VWA5B1: variants seen among roughly 807,000 people sequenced by gnomAD.
VWA5B1 encodes the protein von Willebrand factor A domain-containing protein 5B1.
VWA5B1 carries 115 observed loss-of-function variants against 118.2 expected under a neutral mutation model. The observed-to-expected ratio is 0.97, with a 90% CI of 0.84 to 1.14. The LOEUF (loss-of-function observed/expected upper bound fraction) is 1.14, where lower values mean the gene tolerates loss of function less well. Ranked by LOEUF, VWA5B1 falls within the 50% of genes most tolerant of loss-of-function variation. VWA5B1 has a pLI of 0.00. For synonymous variants in VWA5B1, 682 were observed against 658.4 expected (o/e 1.04, Z -0.55); for missense variants, 1,596 against 1,603.8 (o/e 1.00, Z 0.08).
rs776153020 is a variant in VWA5B1 at position 20,343,285 on chromosome 1, G to A, written c.2518G>A (p.Gly840Ser). 1.3e-6 allele frequency: 2 copies of A among 1,547,724 alleles called. No homozygotes were observed. The highest frequency in any genetic ancestry group is 1.4e-5 in the African/African-American group (1 of 73,004). The change falls in exon 16 of 22, where the codon GGC (glycine) becomes AGC (serine). Residue 840 changes from glycine to serine, a missense_variant. Coordinates refer to ENST00000289815, the MANE Select transcript of VWA5B1 (RefSeq NM_001039500.3). The part of the protein sequence containing the change: ...ELGTPGPERG[G>S]AQDADLWSET... Reference sequence around the variant, plus strand: ...GGGGACCCCTGGACCGGAGCGGGGCGGCGCGCAGGATGCCGACCTATGGAG... The same window carrying A: ...GGGGACCCCTGGACCGGAGCGGGGCAGCGCGCAGGATGCCGACCTATGGAG...
Position 20,330,891 on chromosome 1 carries a change from C to T in VWA5B1, c.1480C>T (p.Pro494Ser). 1 of 1,551,728 alleles carries T rather than the reference C, an allele frequency of 6.4e-7. No homozygotes were observed. The highest frequency in any genetic ancestry group is 1.4e-5 in the African/African-American group (1 of 73,162). The change falls in exon 11 of 22, where the codon CCC becomes TCC. Residue 494 changes from proline to serine, a missense_variant. Pro to Ser is a moderately conservative substitution (Grantham distance 74). Coordinates refer to ENST00000289815, the MANE Select transcript of VWA5B1 (RefSeq NM_001039500.3). The part of the protein sequence containing the change: ...STRCYSFGIG[P>S]NVCHRLVKGL... ...CAGGTGCTATAGCTTTGGAATTGGA[C>T]CCAACGTCTGCCACAGACTGGTGAA...
At chr1:20,343,480 C>G (rs1305007636) in intron 16 of VWA5B1, 87 bp downstream of exon 16, 1 of 1,442,522 alleles carries the variant, frequency 6.9e-7, no homozygotes, top group South Asian at 1.4e-5. Flanking sequence ...CCCACCCGCC[C>G]CCGGTGATCC....
Position 20,312,820 on chromosome 1 carries a change from G to A in VWA5B1, c.140-16G>A, listed in dbSNP as rs778362229. 13 of 1,541,562 alleles carry A rather than the reference G, an allele frequency of 8.4e-6. No homozygotes were observed. Among genetic ancestry groups the A allele is most frequent in the Middle Eastern group, 1.7e-4 (1 of 5,958 alleles). On this transcript the variant is annotated splice_polypyrimidine_tract_variant and intron_variant, in intron 2 of 21. Transcript: ENST00000289815. ...AGGCCTGGGGCACCCCGTGATGCTG[G>A]GCCCTGCTCCGACAGGCCTCTTCGT...
At chr1:20,351,932 G>A in intron 20 of VWA5B1, 123 bp from the exon 21 acceptor site, 1 of 657,010 alleles carries the variant, frequency 1.5e-6, no homozygotes, top group South Asian at 2.1e-5. Flanking sequence ...TGCTTCCTTA[G>A]CTATCAGATA....
At position 20,318,682 on chromosome 1, in the gene VWA5B1, A is replaced by C; in HGVS notation, c.802A>C (p.Thr268Pro). Reference protein sequence around the residue: ...SIIITLANKHTFDRPVEILIH... With the variant: ...SIIITLANKHPFDRPVEILIH... ...CATCATCACCTTGGCCAACAAGCACACCTTTGACCGGCCTGTGGAGATCCT... is the reference window on the plus strand; with the variant it reads ...CATCATCACCTTGGCCAACAAGCACCCCTTTGACCGGCCTGTGGAGATCCT... Residue 268 changes from threonine to proline, a missense_variant, in exon 6 of 22, where the codon ACC becomes CCC. By Grantham distance (38) the Thr-to-Pro change is conservative. Transcript: ENST00000289815. 1 of 1,540,180 alleles carries C rather than the reference A, an allele frequency of 6.5e-7. No individual in the cohort carries two copies. The highest frequency in any genetic ancestry group is 8.8e-7 in the Non-Finnish European group (1 of 1,139,934).
chr1:20,301,131 G>A (rs906122208), intron 1 of VWA5B1, among the ~76,000 whole-genome samples: 7 of 152,254 alleles, frequency 4.6e-5, no homozygotes, highest in Non-Finnish European at 1.0e-4. Context: ...CAACATCTAG[G>A]CAGGGGGCCC....
At chr1:20,319,130 C>T (rs2089124562) in intron 6 of VWA5B1, among the ~76,000 whole-genome samples, 1 of 152,242 alleles carries the variant, frequency 6.6e-6, no homozygotes, top group Non-Finnish European at 1.5e-5. Flanking sequence ...TAACCCCATC[C>T]TACTACCGTT....
chr1:20,330,113 TCTTC>T, intron 9 of VWA5B1, 63 bp from the exon 10 acceptor site: 1 of 1,519,472 alleles, frequency 6.6e-7, no homozygotes, highest in East Asian at 2.5e-5. Flanking sequence ...AACAAAGTCC[TCTTC>T]CTTAGGTGGT....
At chr1:20,349,503 CCT>C (rs1466914116) in intron 18 of VWA5B1, among the ~76,000 whole-genome samples, 1 of 152,082 alleles carries the variant, frequency 6.6e-6, no homozygotes, top group Non-Finnish European at 1.5e-5. Flanking sequence ...CCTGCCTCAG[CCT>C]CCCGAGTAGC....
At chr1:20,308,984 G>A (rs79127129) in intron 1 of VWA5B1, among the ~76,000 whole-genome samples, 2,898 of 152,272 alleles carry the variant, frequency 0.019, 93 homozygotes, top group African/African-American at 0.066. Flanking sequence ...TCTGACCTCA[G>A]ACTTCTATCC....
At chr1:20,351,935 A>G in intron 20 of VWA5B1, 120 bp from the exon 21 acceptor site, 1 of 665,334 alleles carries the variant, frequency 1.5e-6, no homozygotes, top group Admixed American at 3.2e-5. Context: ...TTCCTTAGCT[A>G]TCAGATAAGG....
intron 3 of VWA5B1, among the ~76,000 whole-genome samples, chr1:20,314,020 G>A (rs977077288): frequency 2.6e-5 from 4 of 152,154 alleles, no homozygotes; most frequent in African/African-American, 9.7e-5. Flanking sequence ...AGGACGCTTC[G>A]ATTTGGTTCT....
chr1:20,310,164 G>A (rs1369455671), intron 1 of VWA5B1, among the ~76,000 whole-genome samples: 1 of 152,082 alleles, frequency 6.6e-6, no homozygotes, highest in Non-Finnish European at 1.5e-5. Flanking sequence ...TTCTGCAGAG[G>A]CAACATCTGA....
At chr1:20,349,100 C>G (rs1038684985) in intron 18 of VWA5B1, 5 of 357,146 alleles carry the variant, frequency 1.4e-5, no homozygotes, top group Admixed American at 1.1e-4. Flanking sequence ...TATTCCAGGT[C>G]CTAGAAAGTG....
In VWA5B1 at chr1:20,357,120, TGCCACCGTAAGACAAA is replaced by T. The variant is rs1013442191; in HGVS notation, c.*2861_*2876del. Among the ~76,000 whole-genome samples the T allele has an allele frequency of 1.1e-4, 17 of 152,176 alleles. No individual in the cohort carries two copies. Among genetic ancestry groups the T allele is most frequent in the African/African-American group, 3.9e-4 (16 of 41,448 alleles). On this transcript the variant is annotated 3_prime_UTR_variant, in exon 22 of 22. Coordinates refer to ENST00000289815, the MANE Select transcript of VWA5B1 (RefSeq NM_001039500.3). ...CTGCACTGTCTGAAGAAAGGGCTAA[TGCCACCGTAAGACAAA>T]GCCCAGCCTCCAAGCTGCCTTCAGT...
At position 20,330,338 on chromosome 1, in the gene VWA5B1, A is replaced by G. The variant is rs888938388; in HGVS notation, c.1413A>G (p.Thr471=). The part of the protein sequence containing the change: ...FVITDGAVNN[T]GKVLELVRNH... ...TCACAGATGGCGCTGTCAACAACAC[A>G]GGGAAGGTGCTGGAGCTGGTGCGAA... Residue 471 remains threonine (T), a synonymous_variant, in exon 10 of 22, where the codon ACA becomes ACG. Transcript: ENST00000289815. 1.9e-6 allele frequency: 3 copies of G among 1,551,726 alleles called. No individual in the cohort carries two copies. In the South Asian group the frequency reaches 3.6e-5, roughly 18 times the overall value.
intron 1 of VWA5B1, among the ~76,000 whole-genome samples, chr1:20,309,496 G>A (rs1015118258): frequency 2.0e-5 from 3 of 152,290 alleles, no homozygotes; most frequent in Non-Finnish European, 4.4e-5. Context: ...GCACAGGGAT[G>A]GAAGGAACAG....
intron 1 of VWA5B1, among the ~76,000 whole-genome samples, chr1:20,299,609 G>A (rs1360962093): frequency 6.6e-6 from 1 of 152,174 alleles, no homozygotes; most frequent in Non-Finnish European, 1.5e-5. Context: ...TCACCATGCT[G>A]GCCAGGCTGG....
Position 20,331,361 on chromosome 1 carries a change from A to G in VWA5B1, c.1572+378A>G, listed in dbSNP as rs918642232. On this transcript the variant is annotated intron_variant, in intron 11 of 21. Transcript: ENST00000289815. ...AAAGAACCCAGAAATAAAGGAGGCT[A>G]TAGTCTGCTTTCCATGTCCTGCACA... is the stretch of plus-strand genomic sequence containing the variant. Among the ~76,000 whole-genome samples, 6 of 152,364 alleles carry G rather than the reference A, an allele frequency of 3.9e-5. No individual in the cohort carries two copies. The East Asian group carries it at 7.7e-4, about 20-fold the overall frequency.
Sources: allele counts gnomAD v4.1 joint callset (sites outside exome capture counted in the v4.1 genomes callset), GRCh38; gene constraint gnomAD v4.1.1; transcripts MANE v1.5; gene names NCBI Gene and HGNC (gene_info 2026-07-23, HGNC 2026-07-21).